Variants in ANK3 observed in about 807,000 individuals in gnomAD.
The protein encoded by ANK3 is ankyrin 3, also known as ankyrin-3.
A neutral mutation model predicts 370.9 loss-of-function variants in ANK3; 57 were observed. The ratio of observed to expected loss-of-function variants is 0.15; its 90% CI spans 0.12 to 0.19. The LOEUF (loss-of-function observed/expected upper bound fraction) is 0.19, where lower values mean the gene tolerates loss of function less well. ANK3 is among the 10% of genes least tolerant of loss of function. The pLI, the probability that ANK3 is intolerant of heterozygous loss-of-function variation, is 1.00. For synonymous variants in ANK3, 1,929 were observed against 1,946.3 expected (o/e 0.99, Z 0.23); for missense variants, 4,439 against 5,302.1 (o/e 0.84, Z 5.06).
At chr10:60,035,244 T>G (rs1376522088) in intron 43 of ANK3, among the ~76,000 whole-genome samples, 1 of 152,148 alleles carries the variant, frequency 6.6e-6, no homozygotes, top group African/African-American at 2.4e-5. Flanking sequence ...TCTTATTTAT[T>G]TTTTAATTAA....
chr10:60,681,060 CA>C (rs2079188876), intron 1 of ANK3, among the ~76,000 whole-genome samples: 1 of 152,168 alleles, frequency 6.6e-6, no homozygotes, highest in South Asian at 2.1e-4. Context: ...AAAACCTGAA[CA>C]TTATGTTCAA....
At position 60,684,487 on chromosome 10, in the gene ANK3, A is replaced by T. The variant is rs574443414; in HGVS notation, c.57+48776T>A. 7.2e-5 allele frequency: 101 copies of T among 1,395,130 alleles called. No homozygotes were observed. The East Asian group carries it at 2.3e-3, about 32-fold the overall frequency. 86.4% of individuals were successfully genotyped at this position (1,395,130 alleles called of 1,614,324 possible). A position where few individuals can be genotyped will look rare whatever the true frequency, so the allele number is the denominator to read the frequency against. Reference sequence around the variant, plus strand: ...AGTAGAAAGCGTTTCAATTTGGGACATTTATTTGCAGCTGGAAATGGGGAA... The same window carrying T: ...AGTAGAAAGCGTTTCAATTTGGGACTTTTATTTGCAGCTGGAAATGGGGAA... On this transcript the variant is annotated intron_variant, in intron 1 of 43. Transcript: ENST00000373827.
Position 60,196,259 on chromosome 10 carries a change from G to T in ANK3, c.1789-16C>A. 1 of 1,609,194 alleles carries T rather than the reference G, an allele frequency of 6.2e-7. No individual in the cohort carries two copies. The highest frequency in any genetic ancestry group is 8.5e-7 in the Non-Finnish European group (1 of 1,176,192). On this transcript the variant is annotated splice_polypyrimidine_tract_variant and intron_variant, in intron 15 of 43. Coordinates refer to ENST00000280772, the MANE Select transcript of ANK3 (RefSeq NM_020987.5). ...TTAGCCCGCTCTGAAAACACGTGCA[G>T]AAACAACAACCAGTGTCAAAGGTGT...
At chr10:60,436,682 T>C (rs761518280) in intron 2 of ANK3, among the ~76,000 whole-genome samples, 8 of 152,346 alleles carry the variant, frequency 5.3e-5, no homozygotes, top group African/African-American at 1.9e-4. Context: ...GTTGCAAGGA[T>C]TTTTAAAATA....
At chr10:60,694,686 C>T (rs1040982935) in intron 1 of ANK3, among the ~76,000 whole-genome samples, 2 of 152,004 alleles carry the variant, frequency 1.3e-5, no homozygotes, top group African/African-American at 4.8e-5. Context: ...ACTTTACAGA[C>T]AAGCAAATGC....
intron 1 of ANK3, among the ~76,000 whole-genome samples, chr10:60,681,353 T>C (rs780055568): frequency 1.3e-5 from 2 of 152,278 alleles, no homozygotes; most frequent in African/African-American, 4.8e-5. Flanking sequence ...TTTCCTGAGG[T>C]GCCCTTGCGA....
chr10:60,659,213 T>C (rs1327154540), intron 1 of ANK3, among the ~76,000 whole-genome samples: 1 of 152,162 alleles, frequency 6.6e-6, no homozygotes, highest in Non-Finnish European at 1.5e-5. Flanking sequence ...TATCTATTTT[T>C]CCAGCTCTGA....
chr10:60,360,605 AG>A (rs2058452574), intron 1 of ANK3, among the ~76,000 whole-genome samples: 1 of 152,134 alleles, frequency 6.6e-6, no homozygotes, highest in Non-Finnish European at 1.5e-5. Flanking sequence ...GCTACTGGGA[AG>A]GCTGAGATGG....
chr10:60,424,478 G>A (rs1008709921), intron 2 of ANK3, among the ~76,000 whole-genome samples: 4 of 151,882 alleles, frequency 2.6e-5, no homozygotes, highest in African/African-American at 7.3e-5. Context: ...TAATCAAGAA[G>A]GGCATACGAA....
chr10:60,097,484 G>A (rs2090372737), intron 28 of ANK3, among the ~76,000 whole-genome samples: 1 of 152,198 alleles, frequency 6.6e-6, no homozygotes, highest in South Asian at 2.1e-4. Flanking sequence ...TAAGCACCTT[G>A]TAACTCAGTT....
At chr10:60,622,377 T>A (rs964512775) in intron 1 of ANK3, among the ~76,000 whole-genome samples, 4 of 152,018 alleles carry the variant, frequency 2.6e-5, no homozygotes, top group African/African-American at 7.2e-5. Flanking sequence ...CCTGAGTATC[T>A]GAGATTACAG....
At chr10:60,108,130 T>A (rs2092379786) in intron 27 of ANK3, 4 of 390,580 alleles carry the variant, frequency 1.0e-5, no homozygotes, top group African/African-American at 2.2e-5. Flanking sequence ...CAGAAAAAAA[T>A]TGAAAATGGA....
At chr10:60,623,580 C>CA (rs1244823615) in intron 1 of ANK3, among the ~76,000 whole-genome samples, 3 of 151,988 alleles carry the variant, frequency 2.0e-5, no homozygotes, top group Admixed American at 6.6e-5. Flanking sequence ...AACATAGGGA[C>CA]AAAAATGCAT....
rs772983467 is a variant in ANK3, at chr10:60,071,602, G to A, written c.9279C>T (p.Pro3093=). ...TEGGKEIKTL[P]VYVSFVQVGK... ...CCACTTGTACAAAACTGACATAAAC[G>A]GGTAAAGTTTTTATCTCTTTCCCTC... The change falls in exon 37 of 44, where the codon CCC becomes CCT. Residue 3093 remains proline, a synonymous_variant. Transcript: ENST00000280772. 3.1e-6 allele frequency: 5 copies of A among 1,613,602 alleles called. No homozygotes were observed. Among genetic ancestry groups the A allele is most frequent in the Non-Finnish European group, 3.4e-6 (4 of 1,179,916 alleles).
At chr10:60,240,162 A>ATT (rs2097419825) in intron 7 of ANK3, among the ~76,000 whole-genome samples, 1 of 139,818 alleles carries the variant, frequency 7.2e-6, no homozygotes, top group Non-Finnish European at 1.5e-5. Flanking sequence ...ATACATATAT[A>ATT]CACATATATA....
rs759743353 is a variant in ANK3 at position 60,069,593 on chromosome 10, A to G, written c.11288T>C (p.Ile3763Thr). 6.2e-7 allele frequency: 1 copy of G among 1,613,884 alleles called. No homozygotes were observed. The highest frequency in any genetic ancestry group is 8.5e-7 in the Non-Finnish European group (1 of 1,179,974). The change falls in exon 37 of 44, where the codon ATT becomes ACT. Residue 3763 changes from isoleucine to threonine, a missense_variant. By Grantham distance (89) the Ile-to-Thr change is moderately conservative. This residue lies in a region of ANK3 where 496 missense variants were observed against 529.3 expected (regional missense o/e 0.94). Transcript: ENST00000280772. The stretch of plus-strand genomic sequence containing the variant: ...CATCTGGCTATTGGCTGTATTTGAA[A>G]TCATTGTTATAGTTTCATTTTCTAA... The part of the protein sequence containing the change: ...QGLENETITM[I>T]SNTANSQMGV...
rs150210227 is a variant in ANK3, at chr10:60,447,479, C to T, written c.96+167707G>A. On this transcript the variant is annotated intron_variant, in intron 2 of 43. Coordinates refer to the ANK3 transcript ENST00000373827. ...GTTTTCTGGTTAAAAGGAGGGGGTC[C>T]GTGCTACTCCAGTAGTAAAAGCATC... Among the ~76,000 whole-genome samples the T allele has an allele frequency of 5.8e-3, 881 of 151,984 alleles. 4 individuals carry two copies. Among genetic ancestry groups the T allele is most frequent in the Middle Eastern group, 0.01 (3 of 292 alleles).
chr10:60,033,796 T>G (rs2131839054), intron 43 of ANK3, among the ~76,000 whole-genome samples: 1 of 151,994 alleles, frequency 6.6e-6, no homozygotes, highest in South Asian at 2.1e-4. Flanking sequence ...CCACTGTCCC[T>G]CACTGAAAAG....
intron 43 of ANK3, among the ~76,000 whole-genome samples, 189 bp from the exon 44 acceptor site, chr10:60,030,015 C>G (rs2073037193): frequency 1.3e-5 from 2 of 150,560 alleles, no homozygotes; most frequent in Admixed American, 1.3e-4. Context: ...CTGCTAGATG[C>G]CTTAGAGGAC....
Sources: allele counts gnomAD v4.1 joint callset (sites outside exome capture counted in the v4.1 genomes callset), GRCh38; gene constraint gnomAD v4.1.1; regional missense constraint gnomAD v4.1.1; transcripts MANE v1.5; gene names NCBI Gene and HGNC (gene_info 2026-07-23, HGNC 2026-07-21).